Variants in EPB41L4A observed in about 807,000 individuals in gnomAD.
EPB41L4A encodes band 4.1-like protein 4A.
EPB41L4A carries 100 observed loss-of-function variants against 108.6 expected under a neutral mutation model. The observed-to-expected ratio is 0.92, with a 90% CI of 0.78 to 1.09. The LOEUF is 1.09. EPB41L4A is among the 50% of genes least tolerant of loss of function. EPB41L4A has a pLI of 0.00. For missense variants in EPB41L4A, 1,030 were observed against 842.7 expected (o/e 1.22, Z -2.75); for synonymous variants, 319 against 289.0 (o/e 1.10, Z -1.05).
intron 12 of EPB41L4A, among the ~76,000 whole-genome samples, chr5:112,226,073 T>C (rs1004718987): frequency 6.6e-6 from 1 of 152,212 alleles, no homozygotes; most frequent in Non-Finnish European, 1.5e-5. Context: ...GCAGATACTG[T>C]GGGACTATGG....
At chr5:112,143,749 G>C in exon 14 of EPB41L4A, 1 of 371,362 alleles carries the variant, frequency 2.7e-6, no homozygotes, top group Admixed American at 3.1e-5. Context: ...TCCCAGACAA[G>C]GGCTCCAATT....
intron 2 of EPB41L4A, among the ~76,000 whole-genome samples, chr5:112,303,501 A>G (rs1230724521): frequency 6.6e-6 from 1 of 152,210 alleles, no homozygotes; most frequent in African/African-American, 2.4e-5. Flanking sequence ...GTGAACACCA[A>G]CATTTTATGG....
chr5:112,401,392 G>C (rs1034588629), intron 1 of EPB41L4A, among the ~76,000 whole-genome samples: 1 of 152,090 alleles, frequency 6.6e-6, no homozygotes, highest in Non-Finnish European at 1.5e-5. Flanking sequence ...CCTTCACTCA[G>C]TGAAGAACTA....
exon 13 of EPB41L4A, chr5:112,145,977 T>C (rs1445078184): frequency 2.2e-6 from 1 of 456,738 alleles, no homozygotes; most frequent in Non-Finnish European, 4.4e-6. Flanking sequence ...CTGCCCTTTC[T>C]AGGTCTGGAG....
intron 12 of EPB41L4A, among the ~76,000 whole-genome samples, chr5:112,147,092 G>C (rs1759287365): frequency 6.6e-6 from 1 of 152,118 alleles, no homozygotes; most frequent in South Asian, 2.1e-4. Context: ...AAATTAGTGT[G>C]GGTTTTGTGC....
intron 1 of EPB41L4A, among the ~76,000 whole-genome samples, chr5:112,325,268 T>A (rs1261589524): frequency 6.6e-6 from 1 of 152,028 alleles, no homozygotes; most frequent in African/African-American, 2.4e-5. Flanking sequence ...GGTGAAACCC[T>A]GTCTCTACTA....
At chr5:112,260,942 T>A (rs1337911800) in intron 7 of EPB41L4A, among the ~76,000 whole-genome samples, 1 of 152,230 alleles carries the variant, frequency 6.6e-6, no homozygotes, top group Non-Finnish European at 1.5e-5. Context: ...TCATTTGCCA[T>A]AAATTTCTAC....
intron 1 of EPB41L4A, among the ~76,000 whole-genome samples, chr5:112,334,977 A>G (rs1388817873): frequency 6.6e-6 from 1 of 152,214 alleles, no homozygotes; most frequent in East Asian, 1.9e-4. Context: ...AATGTTTCAC[A>G]AAACACTGGC....
At chr5:112,350,815 T>C (rs1294485829) in intron 1 of EPB41L4A, among the ~76,000 whole-genome samples, 2 of 152,226 alleles carry the variant, frequency 1.3e-5, no homozygotes, top group Non-Finnish European at 2.9e-5. Flanking sequence ...TTCTTTTTTA[T>C]AGCTGAATAG....
At chr5:112,188,196 G>C (rs1761519495) in intron 17 of EPB41L4A, among the ~76,000 whole-genome samples, 1 of 151,868 alleles carries the variant, frequency 6.6e-6, no homozygotes, top group Non-Finnish European at 1.5e-5. Flanking sequence ...ATTTTTTTTG[G>C]ATCACCTGCT....
At chr5:112,394,638 T>A (rs1580822311) in intron 1 of EPB41L4A, among the ~76,000 whole-genome samples, 1 of 152,150 alleles carries the variant, frequency 6.6e-6, no homozygotes, top group East Asian at 1.9e-4. Context: ...ATAGGAAGAA[T>A]CAATATTGTG....
chr5:112,302,976 G>T (rs1048390688), intron 2 of EPB41L4A, among the ~76,000 whole-genome samples: 8 of 152,208 alleles, frequency 5.3e-5, no homozygotes, highest in African/African-American at 1.9e-4. Context: ...TTCTCATGAT[G>T]CTCTTCATAA....
At chr5:112,169,810 T>C (rs985134603) in intron 20 of EPB41L4A, among the ~76,000 whole-genome samples, 1 of 152,182 alleles carries the variant, frequency 6.6e-6, no homozygotes, top group African/African-American at 2.4e-5. Context: ...AGGCACTCAC[T>C]TTCTCTTAAC....
intron 1 of EPB41L4A, among the ~76,000 whole-genome samples, chr5:112,407,905 T>C (rs1026226090): frequency 1.4e-4 from 21 of 152,252 alleles, no homozygotes; most frequent in African/African-American, 5.1e-4. Flanking sequence ...GATTTAACAG[T>C]GAGCAAAATA....
rs180778732 is a variant in EPB41L4A, at chr5:112,314,374, G to A, written c.100-6884C>T. 1.6e-3 allele frequency among the ~76,000 whole-genome samples: 241 copies of A among 151,550 alleles called. 2 individuals are homozygous for A. The highest frequency in any genetic ancestry group is 5.6e-3 in the African/African-American group (233 of 41,314). ...TCTTTCAATACTTTGCAAAAGAAAAGATATGGAAGTCAGCCGGGCATGGTG... is the reference window on the plus strand; with the variant it reads ...TCTTTCAATACTTTGCAAAAGAAAAAATATGGAAGTCAGCCGGGCATGGTG... On this transcript the variant is annotated intron_variant, in intron 1 of 22. Transcript: ENST00000261486.
At chr5:112,300,034 T>C (rs978844044) in intron 2 of EPB41L4A, among the ~76,000 whole-genome samples, 1 of 152,180 alleles carries the variant, frequency 6.6e-6, no homozygotes, top group African/African-American at 2.4e-5. Flanking sequence ...TTTATGTGAG[T>C]CCTTATATGT....
intron 1 of EPB41L4A, among the ~76,000 whole-genome samples, chr5:112,344,116 G>T (rs111675844): frequency 5.9e-5 from 9 of 151,834 alleles, no homozygotes; most frequent in Admixed American, 5.3e-4. Flanking sequence ...ATTATTAAAC[G>T]TTCCACTAGA....
At chr5:112,264,779 G>T in intron 6 of EPB41L4A, 117 bp downstream of exon 6, 1 of 974,056 alleles carries the variant, frequency 1.0e-6, no homozygotes. Context: ...ACAAAGAGGA[G>T]TATTAGAATA....
chr5:112,359,476 G>A (rs1441898502), intron 1 of EPB41L4A, among the ~76,000 whole-genome samples: 1 of 151,782 alleles, frequency 6.6e-6, no homozygotes, highest in African/African-American at 2.4e-5. Context: ...ATTGAGTTTA[G>A]AATATGAAAA....
Sources: gnomAD v4.1 joint callset for allele counts (sites outside exome capture counted in the v4.1 genomes callset) on GRCh38, gnomAD v4.1.1 for gene constraint, MANE v1.5 for transcripts, NCBI Gene and HGNC (gene_info 2026-07-23, HGNC 2026-07-21) for gene names.